Variants in AKAP13 observed in about 807,000 individuals in gnomAD.
AKAP13 encodes the protein A-kinase anchoring protein 13.
In AKAP13, 80 loss-of-function variants were observed where a neutral mutation model predicts 264.5. The ratio of observed to expected loss-of-function variants is 0.30; its 90% CI spans 0.25 to 0.36. The LOEUF (loss-of-function observed/expected upper bound fraction) is 0.36, where lower values mean the gene tolerates loss of function less well. Ranked by LOEUF, AKAP13 falls within the 10% of genes least tolerant of loss-of-function variation. The probability of loss-of-function intolerance (pLI) is 1.00; values close to 1 mark genes in which losing one functional copy is unlikely to be tolerated. For synonymous variants in AKAP13, 1,380 were observed against 1,250.2 expected (o/e 1.10, Z -2.19); for missense variants, 3,712 against 3,435.2 (o/e 1.08, Z -2.01).
intron 30 of AKAP13, among the ~76,000 whole-genome samples, chr15:85,733,488 T>G (rs147890936): frequency 6.6e-6 from 1 of 152,210 alleles, no homozygotes; most frequent in African/African-American, 2.4e-5. Flanking sequence ...TGTTTTCATA[T>G]GTGGTTTCAA....
chr15:85,711,208 T>C (rs2086618841), intron 19 of AKAP13, among the ~76,000 whole-genome samples: 1 of 152,070 alleles, frequency 6.6e-6, no homozygotes. Flanking sequence ...TGAGAAGTTA[T>C]AGAAAATAGT....
At chr15:85,434,348 C>T (rs1310163870) in intron 1 of AKAP13, among the ~76,000 whole-genome samples, 1 of 152,176 alleles carries the variant, frequency 6.6e-6, no homozygotes, top group Non-Finnish European at 1.5e-5. Context: ...TGACTGCTAG[C>T]ACAGCAGTCT....
At chr15:85,427,142 A>G (rs1219925365) in intron 1 of AKAP13, among the ~76,000 whole-genome samples, 1 of 151,606 alleles carries the variant, frequency 6.6e-6, no homozygotes, top group Non-Finnish European at 1.5e-5. Context: ...TTTTTAGTAG[A>G]GACGGGGTTT....
At position 85,382,129 on chromosome 15, in the gene AKAP13, A is replaced by T. The variant is rs538415142; in HGVS notation, c.-12+1331A>T. 2.6e-5 allele frequency: 4 copies of T among 152,358 alleles called. No individual in the cohort carries two copies. The South Asian group carries it at 8.3e-4, about 32-fold the overall frequency. 9.4% of individuals were successfully genotyped at this position (152,358 alleles called of 1,614,324 possible). A position where few individuals can be genotyped will look rare whatever the true frequency, so the allele number is the denominator to read the frequency against. ...ACATGATTCTGTTTCAGTTCCCCAG[A>T]TGGAACTAGCTTAAATGTCTGTCAT... On this transcript the variant is annotated intron_variant, in intron 1 of 36. Transcript: ENST00000394518.
intron 3 of AKAP13, among the ~76,000 whole-genome samples, chr15:85,528,340 A>AT (rs1331727990): frequency 6.6e-6 from 1 of 151,972 alleles, no homozygotes; most frequent in Non-Finnish European, 1.5e-5. Flanking sequence ...TCCTCACTTA[A>AT]TTTTTTTAGT....
intron 8 of AKAP13, among the ~76,000 whole-genome samples, chr15:85,594,069 A>G (rs1159275799): frequency 6.6e-6 from 1 of 152,236 alleles, no homozygotes; most frequent in African/African-American, 2.4e-5. Context: ...ATTTTAAAGT[A>G]ACTCAGAATT....
chr15:85,381,036 C>A (rs1393402881), intron 1 of AKAP13, among the ~76,000 whole-genome samples: 1 of 152,062 alleles, frequency 6.6e-6, no homozygotes. Flanking sequence ...CTGCTTGGGG[C>A]TCGGCGCGCC....
chr15:85,456,582 C>T (rs1266129591), intron 1 of AKAP13, among the ~76,000 whole-genome samples: 14 of 139,714 alleles, frequency 1.0e-4, no homozygotes, highest in African/African-American at 3.5e-4. Flanking sequence ...CAGAGTCTTG[C>T]TCTGTCGCCC....
intron 17 of AKAP13, among the ~76,000 whole-genome samples, chr15:85,704,770 AG>A (rs1282885466): frequency 6.6e-6 from 1 of 152,218 alleles, no homozygotes; most frequent in Admixed American, 6.5e-5. Flanking sequence ...TGTGGCAGAG[AG>A]CTTAAAAATG....
At chr15:85,522,228 T>C (rs901113354) in intron 3 of AKAP13, among the ~76,000 whole-genome samples, 4 of 152,152 alleles carry the variant, frequency 2.6e-5, no homozygotes, top group African/African-American at 9.7e-5. Flanking sequence ...AGGAAAGGAA[T>C]TGAGGTAATT....
chr15:85,724,721 C>G lies in AKAP13; in HGVS notation c.6745+1401C>G, dbSNP rs908018050. Among the ~76,000 whole-genome samples, 1 of 151,614 alleles carries G rather than the reference C, an allele frequency of 6.6e-6. No individual in the cohort carries two copies. The highest frequency in any genetic ancestry group is 2.4e-5 in the African/African-American group (1 of 41,264). On this transcript the variant is annotated intron_variant, in intron 26 of 36. Coordinates refer to ENST00000394518, the MANE Select transcript of AKAP13 (RefSeq NM_007200.5). The surrounding 1 kb of genome is among the most constrained non-coding windows in gnomAD (Gnocchi z 4.2). ...ATGAGGTGGTTTTTCAGTATGACAA[C>G]TAGGGGCAGTTTAGAGTGCAGCTGG...
At chr15:85,629,280 A>G (rs545209198) in intron 8 of AKAP13, among the ~76,000 whole-genome samples, 119 of 152,222 alleles carry the variant, frequency 7.8e-4, no homozygotes, top group Non-Finnish European at 1.3e-3. Context: ...TGAGGGGGAA[A>G]TTTGTGGTGG....
chr15:85,730,176 A>T (rs939637607), intron 29 of AKAP13, among the ~76,000 whole-genome samples: 5 of 152,232 alleles, frequency 3.3e-5, no homozygotes, highest in African/African-American at 1.2e-4. Flanking sequence ...GGATTCAGTC[A>T]TGAAGTTGAG....
At chr15:85,639,551 CAG>C in intron 9 of AKAP13, 102 bp downstream of exon 9, 1 of 859,362 alleles carries the variant, frequency 1.2e-6, no homozygotes, top group Non-Finnish European at 1.9e-6. Context: ...TACAGTAAAT[CAG>C]AGGAAGGGAT....
chr15:85,524,423 C>T (rs895401165), intron 3 of AKAP13, among the ~76,000 whole-genome samples: 4 of 152,138 alleles, frequency 2.6e-5, no homozygotes, highest in African/African-American at 9.6e-5. Flanking sequence ...ATCTGCCCAC[C>T]TCGGCCTCCC....
intron 3 of AKAP13, among the ~76,000 whole-genome samples, chr15:85,525,178 C>G (rs2076988086): frequency 6.6e-6 from 1 of 151,294 alleles, no homozygotes; most frequent in Admixed American, 6.6e-5. Flanking sequence ...CCTGCCTCAG[C>G]CTCCGAGTAG....
At chr15:85,442,462 T>A (rs2073706904) in intron 1 of AKAP13, among the ~76,000 whole-genome samples, 1 of 120,504 alleles carries the variant, frequency 8.3e-6, no homozygotes, top group Non-Finnish European at 1.7e-5. Flanking sequence ...ATATATAATA[T>A]ACATAATATA....
rs78256168 is a variant in AKAP13, at chr15:85,743,030, T to C, written c.8059-462T>C. Among the ~76,000 whole-genome samples the C allele has an allele frequency of 3.3e-5, 5 of 152,284 alleles. No homozygotes were observed. In the East Asian group the frequency reaches 9.6e-4, roughly 29 times the overall value. On this transcript the variant is annotated intron_variant, in intron 35 of 36. Transcript: ENST00000394518. ...TAGATGATCCTCTTTATCTCTGGTTTAACCTGTGACTAGGATTCTTGGTGT... is the reference window on the plus strand; with the variant it reads ...TAGATGATCCTCTTTATCTCTGGTTCAACCTGTGACTAGGATTCTTGGTGT...
At chr15:85,508,436 C>T (rs928665669) in intron 2 of AKAP13, among the ~76,000 whole-genome samples, 3 of 150,152 alleles carry the variant, frequency 2.0e-5, no homozygotes, top group African/African-American at 2.4e-5. Flanking sequence ...CGCTATCGTG[C>T]CTGGCCTTGT....
Sources: allele counts gnomAD v4.1 joint callset (sites outside exome capture counted in the v4.1 genomes callset), GRCh38; gene constraint gnomAD v4.1.1; non-coding constraint Gnocchi (gnomAD v3.1); transcripts MANE v1.5; gene names NCBI Gene and HGNC (gene_info 2026-07-23, HGNC 2026-07-21).